Variants in CACNA1F observed in about 807,000 individuals in gnomAD.
CACNA1F encodes voltage-dependent L-type calcium channel subunit alpha-1F.
A neutral mutation model predicts 143.8 loss-of-function variants in CACNA1F; 59 were observed. The observed-to-expected ratio is 0.41, with a 90% CI of 0.33 to 0.51. The LOEUF is 0.51. Ranked by LOEUF, CACNA1F falls within the 20% of genes least tolerant of loss-of-function variation. The pLI, the probability that CACNA1F is intolerant of heterozygous loss-of-function variation, is 0.22. For synonymous variants in CACNA1F, 643 were observed against 649.1 expected (o/e 0.99, Z 0.14); for missense variants, 1,411 against 1,647.5 (o/e 0.86, Z 2.48).
At chrX:49,209,018 G>A (rs1048787900) in intron 42 of CACNA1F, 1 of 408,119 alleles carries the variant, frequency 2.5e-6, no homozygotes, top group Non-Finnish European at 4.3e-6. Flanking sequence ...GTAGAGAGGC[G>A]GTTTCACTAT....
chrX:49,218,596 A>G (rs1323417267), intron 23 of CACNA1F, 33 bp downstream of exon 23: 6 of 1,179,734 alleles, frequency 5.1e-6, no homozygotes, highest in Non-Finnish European at 6.9e-6. Context: ...TGGCTGTGAG[A>G]GGAATGGGGT....
rs2065699321 is a variant in CACNA1F, at chrX:49,215,239, T to C, written c.3444A>G (p.Gln1148=). The part of the protein sequence containing the change: ...QNCELDKNQR[Q]CVEYALKAQP... ...GGGCCTTGAGGGCATATTCCACACATTGACGCTGCATACCAGGGCAGGGCA... is the reference window on the plus strand; with the variant it reads ...GGGCCTTGAGGGCATATTCCACACACTGACGCTGCATACCAGGGCAGGGCA... The change falls in exon 29 of 48, where the codon CAA becomes CAG. Residue 1148 remains glutamine (Q), a synonymous_variant. Transcript: ENST00000323022. The C allele has an allele frequency of 8.3e-7, 1 of 1,208,135 alleles. No homozygotes were observed. The highest frequency in any genetic ancestry group is 2.2e-5 in the Admixed American group (1 of 45,555).
chrX:49,226,435 C>T lies in CACNA1F; in HGVS notation c.1437G>A (p.Gly479=). ...GGCAGCGTGTACAGCTGGCCAGAGC[C>T]CCCTCCTCCTCATCCTCATCGCCTT... The part of the protein sequence containing the change: ...ETQGDEDEEE[G]ALASCTRCLN... The change falls in exon 11 of 48, where the codon GGG becomes GGA. Residue 479 remains glycine, a synonymous_variant. Coordinates refer to ENST00000323022, the MANE Select transcript of CACNA1F (RefSeq NM_001256789.3). 8.4e-7 allele frequency: 1 copy of T among 1,188,495 alleles called. No individual in the cohort carries two copies. Among genetic ancestry groups the T allele is most frequent in the Non-Finnish European group, 1.1e-6 (1 of 883,458 alleles).
At position 49,215,172 on chromosome X, in the gene CACNA1F, G is replaced by A. The variant is rs782492780; in HGVS notation, c.3511C>T (p.Arg1171Cys). Residue 1171 changes from arginine to cysteine, a missense_variant, in exon 29 of 48, where the codon CGT (arginine) becomes TGT (cysteine). This residue lies in a region of CACNA1F where 950 missense variants were observed against 1,128.1 expected (regional missense o/e 0.84). Coordinates refer to ENST00000323022, the MANE Select transcript of CACNA1F (RefSeq NM_001256789.3). ...RYIPKNPHQY[R>C]VWATVNSAAF... is the part of the protein sequence containing the mutation. ...GCAGAGTTCACAGTGGCCCACACACGATACTGATGCGGGTTCTTGGGGATG... is the reference window on the plus strand; with the variant it reads ...GCAGAGTTCACAGTGGCCCACACACAATACTGATGCGGGTTCTTGGGGATG... 7 of 1,210,341 alleles carry A rather than the reference G, an allele frequency of 5.8e-6. No individual in the cohort carries two copies. Among genetic ancestry groups the A allele is most frequent in the Non-Finnish European group, 7.8e-6 (7 of 894,373 alleles).
chrX:49,209,908 C>T, intron 40 of CACNA1F, 33 bp downstream of exon 40: 1 of 1,142,680 alleles, frequency 8.8e-7, no homozygotes, highest in East Asian at 3.0e-5. Context: ...CATTCAGGGG[C>T]TGGCGCGGGG....
rs1317480325 is a variant in CACNA1F at position 49,226,314 on chromosome X, G to A, written c.1464-71C>T. On this transcript the variant is annotated intron_variant, in intron 11 of 47. Coordinates refer to ENST00000323022, the MANE Select transcript of CACNA1F (RefSeq NM_001256789.3). ...GGGGTGTCAGTGACTGGGGCCAGAG[G>A]TCAAGGACTGAGATCGAGGCTTGAG... The A allele has an allele frequency of 2.3e-5, 26 of 1,118,918 alleles. 1 individual carries two copies. In the Middle Eastern group the frequency reaches 7.5e-4, roughly 32 times the overall value. 92.2% of individuals were successfully genotyped at this position (1,118,918 alleles called of 1,213,427 possible). A position where few individuals can be genotyped will look rare whatever the true frequency, so the allele number is the denominator to read the frequency against.
chrX:49,218,091 G>A, intron 24 of CACNA1F, 86 bp from the exon 25 acceptor site: 1 of 678,931 alleles, frequency 1.5e-6, no homozygotes, highest in East Asian at 3.4e-5. Context: ...TGCAGCTGAG[G>A]GACTTGGGCT....
intron 24 of CACNA1F, 87 bp downstream of exon 24, chrX:49,218,368 C>A: frequency 1.4e-6 from 1 of 729,434 alleles, no homozygotes; most frequent in South Asian, 2.4e-5. Context: ...GTCATGCATC[C>A]GTGCAAATGG....
At chrX:49,223,896 TA>T (rs1241986223) in intron 14 of CACNA1F, among the ~76,000 whole-genome samples, 1 of 109,271 alleles carries the variant, frequency 9.2e-6, no homozygotes, top group Non-Finnish European at 1.9e-5. Context: ...CACTCCCGGC[TA>T]ATTTTTTTGT....
At chrX:49,220,984 A>G in intron 18 of CACNA1F, 51 bp downstream of exon 18, 2 of 981,318 alleles carry the variant, frequency 2.0e-6, no homozygotes, top group Non-Finnish European at 2.9e-6. Context: ...ACACATAGAC[A>G]GGTAGTGGTG....
At position 49,205,282 on chromosome X, in the gene CACNA1F, C is replaced by G. The variant is rs33910054; in HGVS notation, c.5756G>C (p.Arg1919Pro). The G allele has an allele frequency of 8.3e-7, 1 of 1,209,038 alleles. No individual in the cohort carries two copies. Among genetic ancestry groups the G allele is most frequent in the African/African-American group, 1.7e-5 (1 of 57,502 alleles). Residue 1919 changes from arginine to proline, a missense_variant, in exon 48 of 48, where the codon CGC becomes CCC. Arg to Pro is a moderately radical substitution (Grantham distance 103). Around this residue, in one of 3 missense-constraint regions of CACNA1F, gnomAD observed 349 missense variants for 350.2 expected, o/e 1.00. Coordinates refer to ENST00000323022, the MANE Select transcript of CACNA1F (RefSeq NM_001256789.3). ...ATTGTCCATCTCATCCAGCGTCAGG[C>G]GACACGCATCTGCAATCTCCTGCTT... ...LAKQEIADACRLTLDEMDNAA... is the reference protein window; with the variant it reads ...LAKQEIADACPLTLDEMDNAA...
intron 40 of CACNA1F, 79 bp from the exon 41 acceptor site, chrX:49,209,838 C>T: frequency 8.6e-7 from 1 of 1,159,296 alleles, no homozygotes; most frequent in Non-Finnish European, 1.2e-6. Flanking sequence ...TACCCACCAG[C>T]ATGGACTTCC....
intron 27 of CACNA1F, 48 bp from the exon 28 acceptor site, chrX:49,215,591 T>G: frequency 3.6e-6 from 3 of 830,715 alleles, no homozygotes; most frequent in Non-Finnish European, 5.3e-6. Context: ...TGAGGGGATA[T>G]CCCAGCCCCC....
At chrX:49,207,980 G>A (rs2065614993) in intron 43 of CACNA1F, among the ~76,000 whole-genome samples, 1 of 104,688 alleles carries the variant, frequency 9.6e-6, no homozygotes, top group Non-Finnish European at 2.0e-5. Flanking sequence ...GATCACCTGA[G>A]GTCAGGAGTT....
Position 49,215,553 on chromosome X carries a change from C to G in CACNA1F, c.3237-10G>C. The G allele has an allele frequency of 8.8e-7, 1 of 1,140,965 alleles. No individual in the cohort carries two copies. Among genetic ancestry groups the G allele is most frequent in the Non-Finnish European group, 1.2e-6 (1 of 837,978 alleles). The allele number at this position is 1,140,965 out of a possible 1,213,427, so 94.0% of individuals were successfully genotyped here. On this transcript the variant is annotated splice_polypyrimidine_tract_variant and intron_variant, in intron 27 of 47. Transcript: ENST00000323022. ...GGCCTTGTATAGCAGTCTGTGGGAG[C>G]CAGAGGGGGGGTAGAGGTGGGGGCA...
At position 49,230,272 on chromosome X, in the gene CACNA1F, C is replaced by T; in HGVS notation, c.765G>A (p.Gly255=). 1.7e-6 allele frequency: 2 copies of T among 1,207,129 alleles called. No homozygotes were observed. Among genetic ancestry groups the T allele is most frequent in the Non-Finnish European group, 2.2e-6 (2 of 892,774 alleles). The change falls in exon 6 of 48, where the codon GGG becomes GGA. Residue 255 remains glycine, a synonymous_variant. Coordinates refer to ENST00000323022, the MANE Select transcript of CACNA1F (RefSeq NM_001256789.3). ...LFVIIIYAII[G]LELFLGRMHK... ...GCATTCGTCCAAGGAACAGCTCGAGCCCAATGATGGCATAAATGATGATGA... is the reference window on the plus strand; with the variant it reads ...GCATTCGTCCAAGGAACAGCTCGAGTCCAATGATGGCATAAATGATGATGA...
Position 49,205,283 on chromosome X carries a change from G to A in CACNA1F, c.5755C>T (p.Arg1919Cys), listed in dbSNP as rs782490974. ...TTGTCCATCTCATCCAGCGTCAGGCGACACGCATCTGCAATCTCCTGCTTG... is the reference window on the plus strand; with the variant it reads ...TTGTCCATCTCATCCAGCGTCAGGCAACACGCATCTGCAATCTCCTGCTTG... ...LAKQEIADAC[R>C]LTLDEMDNAA... The change falls in exon 48 of 48, where the codon CGC (arginine) becomes TGC (cysteine). Residue 1919 changes from arginine to cysteine, a missense_variant. Around this residue, in one of 3 missense-constraint regions of CACNA1F, gnomAD observed 349 missense variants for 350.2 expected, o/e 1.00. Coordinates refer to ENST00000323022, the MANE Select transcript of CACNA1F (RefSeq NM_001256789.3). 11 of 1,207,424 alleles carry A rather than the reference G, an allele frequency of 9.1e-6. No homozygotes were observed. Among genetic ancestry groups the A allele is most frequent in the African/African-American group, 1.8e-5 (1 of 56,759 alleles).
intron 33 of CACNA1F, 41 bp from the exon 34 acceptor site, chrX:49,212,349 G>T: frequency 1.9e-6 from 2 of 1,047,735 alleles, no homozygotes; most frequent in Non-Finnish European, 1.3e-6. Flanking sequence ...AGATGCACAG[G>T]CTCAGGCAAA....
Position 49,209,622 on chromosome X carries a change from C to T in CACNA1F, c.4821+7G>A, listed in dbSNP as rs781890250. On this transcript the variant is annotated splice_region_variant and intron_variant, in intron 41 of 47. Coordinates refer to ENST00000323022, the MANE Select transcript of CACNA1F (RefSeq NM_001256789.3). ...TGCCCATCCACACTAGGCCCTGCCCCGAAGACCTGAAGGGCGGAAGAGGTG... is the reference window on the plus strand; with the variant it reads ...TGCCCATCCACACTAGGCCCTGCCCTGAAGACCTGAAGGGCGGAAGAGGTG... The T allele has an allele frequency of 1.7e-6, 2 of 1,211,281 alleles. No individual in the cohort carries two copies. Among genetic ancestry groups the T allele is most frequent in the Non-Finnish European group, 2.2e-6 (2 of 895,110 alleles).
Sources: gnomAD v4.1 joint callset for allele counts (sites outside exome capture counted in the v4.1 genomes callset) on GRCh38, gnomAD v4.1.1 for gene constraint, gnomAD v4.1.1 regional missense constraint, MANE v1.5 for transcripts, NCBI Gene and HGNC (gene_info 2026-07-23, HGNC 2026-07-21) for gene names.